The following EIF3H variants were observed in gnomAD, a reference collection of about 807,000 sequenced individuals.
EIF3H encodes eukaryotic translation initiation factor 3 subunit H, also known as eIF-3-gamma.
EIF3H carries 26 observed loss-of-function variants against 44.2 expected under a neutral mutation model. The ratio of observed to expected loss-of-function variants is 0.59; its 90% confidence interval spans 0.43 to 0.82. EIF3H has a LOEUF of 0.82. EIF3H is among the 40% of genes least tolerant of loss of function. EIF3H has a pLI of 0.00. For synonymous variants in EIF3H, 166 were observed against 151.9 expected, an observed-to-expected ratio of 1.09 and a Z score of -0.68; for missense variants, 359 against 432.8, an observed-to-expected ratio of 0.83 and a Z score of 1.51.
chr8:116,741,529 A>C (rs925036529), intron 1 of EIF3H, among the ~76,000 whole-genome samples: 1 of 152,242 alleles, frequency 6.6e-6, no homozygotes, highest in Non-Finnish European at 1.5e-5. Context: ...GTTTCTTAAA[A>C]GTCTGAAATA....
At chr8:116,717,182 T>C (rs1473917306) in intron 2 of EIF3H, among the ~76,000 whole-genome samples, 3 of 152,050 alleles carry the variant, frequency 2.0e-5, no homozygotes, top group South Asian at 4.1e-4. Flanking sequence ...ATAGAGTATA[T>C]GGGTTAGCAA....
At chr8:116,688,094 A>T (rs1446640052) in intron 2 of EIF3H, among the ~76,000 whole-genome samples, 2 of 152,152 alleles carry the variant, frequency 1.3e-5, no homozygotes, top group Non-Finnish European at 2.9e-5. Flanking sequence ...TATTGGGGAA[A>T]ATTGTAGAAA....
intron 2 of EIF3H, among the ~76,000 whole-genome samples, chr8:116,662,942 C>T (rs1331625208): frequency 6.6e-6 from 1 of 152,140 alleles, no homozygotes; most frequent in African/African-American, 2.4e-5. Flanking sequence ...GCTAGTTTCT[C>T]TCAGGAGTTA....
At chr8:116,756,109 T>G, upstream of EIF3H, 7 of 1,094,820 alleles carry the variant, frequency 6.4e-6, no homozygotes, top group East Asian at 2.6e-5. Flanking sequence ...ATTTCTGTAG[T>G]GTCTCTTATG....
chr8:116,718,778 T>G (rs1396573221), intron 2 of EIF3H, among the ~76,000 whole-genome samples: 1 of 151,916 alleles, frequency 6.6e-6, no homozygotes, highest in African/African-American at 2.4e-5. Flanking sequence ...GCATACAGTG[T>G]ACACTGCTCA....
At chr8:116,692,412 T>C (rs962990319) in intron 2 of EIF3H, among the ~76,000 whole-genome samples, 10 of 151,874 alleles carry the variant, frequency 6.6e-5, no homozygotes, top group African/African-American at 1.7e-4. Flanking sequence ...TTGATTATAT[T>C]AAAAAAAAGC....
Position 116,755,784 on chromosome 8 carries a change from T to G in EIF3H, c.14A>C (p.Lys5Thr). 1 of 1,613,832 alleles carries G rather than the reference T, an allele frequency of 6.2e-7. No individual in the cohort carries two copies. Among genetic ancestry groups the G allele is most frequent in the Non-Finnish European group, 8.5e-7 (1 of 1,180,028 alleles). The stretch of plus-strand genomic sequence containing the variant: ...GGTGGCAGTAGAGCCGGTACCTTCC[T>G]TGCGGGACGCCATCTTTCCAAGCAG... MASR[K>T]EGTGSTATSS... is the part of the protein sequence containing the mutation. Residue 5 changes from lysine to threonine, a missense_variant, in exon 1 of 8, where the codon AAG becomes ACG. Coordinates refer to ENST00000521861, the MANE Select transcript of EIF3H (RefSeq NM_003756.3).
chr8:116,668,314 A>G (rs909463207), intron 2 of EIF3H, among the ~76,000 whole-genome samples: 2 of 152,250 alleles, frequency 1.3e-5, no homozygotes, highest in African/African-American at 4.8e-5. Context: ...AAGGAGAAAG[A>G]CTGGAAAGAA....
intron 2 of EIF3H, among the ~76,000 whole-genome samples, chr8:116,702,332 C>T (rs200821309): frequency 5.9e-5 from 9 of 152,194 alleles, no homozygotes; most frequent in African/African-American, 1.9e-4. Context: ...GCAGGAATTA[C>T]TTGTCTTGGA....
At chr8:116,716,894 A>G (rs1283905228) in intron 2 of EIF3H, among the ~76,000 whole-genome samples, 1 of 152,094 alleles carries the variant, frequency 6.6e-6, no homozygotes, top group Non-Finnish European at 1.5e-5. Context: ...ACAAACAAAC[A>G]AAACACCTGA....
chr8:116,699,016 G>C (rs748627698), intron 2 of EIF3H, among the ~76,000 whole-genome samples: 1 of 152,102 alleles, frequency 6.6e-6, no homozygotes, highest in Non-Finnish European at 1.5e-5. Context: ...GGGCGTAGTG[G>C]CATGTGCCTG....
chr8:116,706,682 A>T (rs764375288), intron 2 of EIF3H, among the ~76,000 whole-genome samples: 6 of 152,076 alleles, frequency 3.9e-5, no homozygotes, highest in Non-Finnish European at 8.8e-5. Context: ...CTACAGGCGA[A>T]TGCCACCACA....
intron 2 of EIF3H, among the ~76,000 whole-genome samples, chr8:116,673,114 G>T (rs1358790197): frequency 1.3e-5 from 2 of 151,660 alleles, no homozygotes; most frequent in African/African-American, 4.8e-5. Flanking sequence ...GGAGGCAATG[G>T]CTTGCACTAT....
chr8:116,673,665 CTCG>C, intron 2 of EIF3H, among the ~76,000 whole-genome samples: 1 of 152,098 alleles, frequency 6.6e-6, no homozygotes, highest in East Asian at 1.9e-4. Context: ...AAAATGTAAT[CTCG>C]TCTCTAACTT....
chr8:116,733,350 T>C (rs770631527), intron 1 of EIF3H, among the ~76,000 whole-genome samples: 5 of 152,166 alleles, frequency 3.3e-5, no homozygotes, highest in Non-Finnish European at 7.4e-5. Flanking sequence ...CCAGCCCACC[T>C]ACCCTCTTTC....
rs11547847 is a variant in EIF3H, at chr8:116,644,892, T to A, written c.*114A>T. 1.7e-3 allele frequency: 1,298 copies of A among 782,686 alleles called. 14 individuals carry two copies. The African/African-American group carries it at 0.02, about 12-fold the overall frequency. 48.5% of individuals were successfully genotyped at this position (782,686 alleles called of 1,614,324 possible). A position where few individuals can be genotyped will look rare whatever the true frequency, so the allele number is the denominator to read the frequency against. On this transcript the variant is annotated 3_prime_UTR_variant, in exon 8 of 8. Transcript: ENST00000521861. ...ACACTGTTATAGCCAAAATCGGCAA[T>A]GACACTAAAGAAATCCTCTGTGCTT...
At chr8:116,647,940 A>G (rs1021933406) in intron 6 of EIF3H, among the ~76,000 whole-genome samples, 1 of 152,128 alleles carries the variant, frequency 6.6e-6, no homozygotes, top group Non-Finnish European at 1.5e-5. Flanking sequence ...AAAAAAAAAT[A>G]CTGATTTACA....
chr8:116,671,612 T>C (rs1207928338), intron 2 of EIF3H, among the ~76,000 whole-genome samples: 3 of 152,196 alleles, frequency 2.0e-5, no homozygotes, highest in Non-Finnish European at 4.4e-5. Flanking sequence ...CTAGGCGCTG[T>C]CCAGCATAGG....
intron 2 of EIF3H, among the ~76,000 whole-genome samples, chr8:116,675,995 GAAAGT>G (rs998056517): frequency 6.6e-6 from 1 of 152,116 alleles, no homozygotes; most frequent in Non-Finnish European, 1.5e-5. Flanking sequence ...GGATCTTTTA[GAAAGT>G]AAAGGCCAAG....
Sources: gnomAD v4.1 joint callset for allele counts (sites outside exome capture counted in the v4.1 genomes callset) on GRCh38, gnomAD v4.1.1 for gene constraint, MANE v1.5 for transcripts, NCBI Gene and HGNC (gene_info 2026-07-23, HGNC 2026-07-21) for gene names.